Variants in NME7 observed in about 807,000 individuals in gnomAD.
NME7 encodes the protein nucleoside diphosphate kinase 7.
A neutral mutation model predicts 49.1 loss-of-function variants in NME7; 41 were observed. The observed-to-expected ratio is 0.83, with a 90% CI of 0.65 to 1.08. NME7 has a LOEUF of 1.08. Ranked by LOEUF, NME7 falls within the 50% of genes least tolerant of loss-of-function variation. The pLI, the probability that NME7 is intolerant of heterozygous loss-of-function variation, is 0.00. For synonymous variants in NME7, 139 were observed against 150.6 expected (o/e 0.92, Z 0.56); for missense variants, 423 against 463.4 (o/e 0.91, Z 0.80).
At chr1:169,223,723 C>G (rs371130861) in intron 10 of NME7, among the ~76,000 whole-genome samples, 9 of 151,920 alleles carry the variant, frequency 5.9e-5, no homozygotes, top group African/African-American at 2.2e-4. Flanking sequence ...AAGTCAAGAT[C>G]TGGAAACTAG....
chr1:169,139,279 C>G (rs1658522483), intron 11 of NME7, among the ~76,000 whole-genome samples: 1 of 152,180 alleles, frequency 6.6e-6, no homozygotes, highest in Non-Finnish European at 1.5e-5. Context: ...AATGCTTTAA[C>G]AGATTATTGT....
At chr1:169,151,650 G>A (rs1658919040) in intron 11 of NME7, among the ~76,000 whole-genome samples, 1 of 152,204 alleles carries the variant, frequency 6.6e-6, no homozygotes, top group Non-Finnish European at 1.5e-5. Flanking sequence ...CTGCCAGAGT[G>A]GGTGCCACCT....
Position 169,230,808 on chromosome 1 carries a change from T to C in NME7, c.900A>G (p.Thr300=), listed in dbSNP as rs778440399. ...GVVTEYHDMV[T]EMYSGPCVAM... ...CTACACAAGGGCCAGAATACATTTC[T>C]GTCACCATGTCCTATGATATGTAAT... is the stretch of plus-strand genomic sequence containing the variant. The change falls in exon 10 of 12, where the codon ACA becomes ACG. Residue 300 remains threonine, a synonymous_variant. Transcript: ENST00000367811. 1 of 1,593,510 alleles carries C rather than the reference T, an allele frequency of 6.3e-7. No individual in the cohort carries two copies. Among genetic ancestry groups the C allele is most frequent in the South Asian group, 1.1e-5 (1 of 87,704 alleles).
chr1:169,161,148 G>C (rs1178149352), intron 11 of NME7, among the ~76,000 whole-genome samples: 2 of 152,144 alleles, frequency 1.3e-5, no homozygotes, highest in Admixed American at 1.3e-4. Flanking sequence ...ATGAAGTTCA[G>C]TTGTCTTAAT....
intron 6 of NME7, among the ~76,000 whole-genome samples, chr1:169,293,320 T>C (rs1040561987): frequency 1.3e-5 from 2 of 148,152 alleles, no homozygotes; most frequent in Non-Finnish European, 3.0e-5. Context: ...AAAAAAAAAA[T>C]TGTAGTCAGT....
chr1:169,342,487 A>G (rs936222975), intron 1 of NME7, among the ~76,000 whole-genome samples: 142 of 138,178 alleles, frequency 1.0e-3, no homozygotes, highest in African/African-American at 3.5e-3. Flanking sequence ...TTGTATTAGT[A>G]TATATATATA....
intron 3 of NME7, among the ~76,000 whole-genome samples, chr1:169,314,881 T>G (rs1651552657): frequency 1.3e-5 from 2 of 152,104 alleles, no homozygotes; most frequent in South Asian, 4.1e-4. Flanking sequence ...GAATGTTAAC[T>G]AAAAGAAAGC....
In NME7 at chr1:169,183,432, C is replaced by T. The variant is rs142172015; in HGVS notation, c.991-13878G>A. ...TATATATGATCTTGAGGCAAGACTC[C>T]CATTTATAAAGAAAAGAATAAACTC... On this transcript the variant is annotated intron_variant, in intron 10 of 11. Transcript: ENST00000367811. Among the ~76,000 whole-genome samples, 914 of 152,198 alleles carry T rather than the reference C, an allele frequency of 6.0e-3. 8 individuals carry two copies. The highest frequency in any genetic ancestry group is 0.017 in the Middle Eastern group (5 of 294).
chr1:169,203,462 G>C (rs1322206024), intron 10 of NME7, among the ~76,000 whole-genome samples: 1 of 152,132 alleles, frequency 6.6e-6, no homozygotes, highest in Non-Finnish European at 1.5e-5. Flanking sequence ...CTCACAATGA[G>C]AGACTGCTAC....
intron 8 of NME7, among the ~76,000 whole-genome samples, chr1:169,235,887 T>A (rs1647839267): frequency 6.6e-6 from 1 of 152,044 alleles, no homozygotes; most frequent in African/African-American, 2.4e-5. Flanking sequence ...GAATTTAAAT[T>A]TAGTTAGGAA....
intron 9 of NME7, among the ~76,000 whole-genome samples, chr1:169,232,563 G>A (rs941088264): frequency 3.3e-4 from 50 of 151,654 alleles, no homozygotes; most frequent in African/African-American, 1.2e-3. Context: ...TGTTGGGGGG[G>A]GGGCAGGGGA....
intron 1 of NME7, among the ~76,000 whole-genome samples, chr1:169,335,225 T>C (rs1286354332): frequency 6.6e-6 from 1 of 152,228 alleles, no homozygotes; most frequent in Non-Finnish European, 1.5e-5. Flanking sequence ...CCCAAAGGAA[T>C]ATAAATTATT....
intron 4 of NME7, among the ~76,000 whole-genome samples, chr1:169,305,478 A>G (rs1302264608): frequency 6.6e-6 from 1 of 152,228 alleles, no homozygotes; most frequent in Non-Finnish European, 1.5e-5. Context: ...GAAAAGATGC[A>G]TACATTGTGA....
At chr1:169,177,805 A>G (rs1290638459) in intron 10 of NME7, among the ~76,000 whole-genome samples, 2 of 151,732 alleles carry the variant, frequency 1.3e-5, no homozygotes, top group Non-Finnish European at 2.9e-5. Flanking sequence ...GAAAACACAC[A>G]GTATTTCCCT....
At chr1:169,150,764 A>G (rs1002652231) in intron 11 of NME7, among the ~76,000 whole-genome samples, 1 of 54,038 alleles carries the variant, frequency 1.9e-5, no homozygotes, top group Non-Finnish European at 4.3e-5. Context: ...CTGGAAAAGG[A>G]AAAAAAAAAA....
At chr1:169,316,934 G>GA (rs35383178) in intron 3 of NME7, among the ~76,000 whole-genome samples, 70 of 143,054 alleles carry the variant, frequency 4.9e-4, no homozygotes, top group Admixed American at 1.3e-3. Flanking sequence ...CCATATAATA[G>GA]AAAAAAAAAA....
chr1:169,245,931 G>A (rs1303354952), intron 7 of NME7, among the ~76,000 whole-genome samples: 1 of 152,176 alleles, frequency 6.6e-6, no homozygotes, highest in African/African-American at 2.4e-5. Context: ...GTCTCCTAGA[G>A]AGCAATATGT....
At chr1:169,363,622 G>A (rs1357338761) in intron 1 of NME7, among the ~76,000 whole-genome samples, 8 of 152,078 alleles carry the variant, frequency 5.3e-5, no homozygotes, top group Non-Finnish European at 7.4e-5. Context: ...AGCCACCCCT[G>A]CACCATCCCA....
chr1:169,179,340 A>G (rs1443704635), intron 10 of NME7, among the ~76,000 whole-genome samples: 2 of 152,236 alleles, frequency 1.3e-5, no homozygotes, highest in Non-Finnish European at 2.9e-5. Flanking sequence ...AGAAATAGGA[A>G]TGCTTTTACA....
Sources: gnomAD v4.1 joint callset for allele counts (sites outside exome capture counted in the v4.1 genomes callset) on GRCh38, gnomAD v4.1.1 for gene constraint, MANE v1.5 for transcripts, NCBI Gene and HGNC (gene_info 2026-07-23, HGNC 2026-07-21) for gene names.